PXN: variants seen among roughly 807,000 people sequenced by gnomAD.
PXN encodes the protein testicular tissue protein Li 134.
A neutral mutation model predicts 103.6 loss-of-function variants in PXN; 61 were observed. The observed-to-expected ratio is 0.59, with a 90% CI of 0.48 to 0.73. The LOEUF (loss-of-function observed/expected upper bound fraction) is 0.73, where lower values mean the gene tolerates loss of function less well. PXN is among the 30% of genes least tolerant of loss of function. The pLI is 0.00. For missense variants in PXN, 1,274 were observed against 1,460.3 expected, an observed-to-expected ratio of 0.87 and a Z score of 2.08; for synonymous variants, 562 against 607.8, an observed-to-expected ratio of 0.92 and a Z score of 1.11.
intron 1 of PXN, among the ~76,000 whole-genome samples, chr12:120,241,252 G>A (rs1033177181): frequency 7.9e-5 from 12 of 152,212 alleles, no homozygotes; most frequent in African/African-American, 2.9e-4. Flanking sequence ...ACTAGGGGCT[G>A]AAGCTGAAGC....
chr12:120,251,830 C>T (rs965177198), intron 1 of PXN, among the ~76,000 whole-genome samples: 3 of 149,708 alleles, frequency 2.0e-5, no homozygotes, highest in Admixed American at 6.6e-5. Context: ...AATAAATAAA[C>T]AAACAAACAA....
rs755369736 is a variant in PXN at position 120,224,168 on chromosome 12, G to A, written c.223C>T (p.Arg75Ter). The change falls in exon 2 of 15, where the codon CGA (arginine) becomes TGA (stop). Residue 75 changes from arginine (R) to a stop codon, truncating the protein, a stop_gained. Transcript: ENST00000637617. LOFTEE classifies it high-confidence loss of function. This position sits in a 1 kb window ranked among gnomAD's most constrained non-coding sequence, Gnocchi z 5.0. ...PLDQWQPSSSRFIHQQPQSSS... is the reference protein window; with the variant it reads ...PLDQWQPSSS ...CGCCTCACCTGCTGGTGGATGAATC[G>A]GGAGCTGCTGGGCTGCCACTGGTCT... 9.4e-6 allele frequency: 15 copies of A among 1,588,592 alleles called. No individual in the cohort carries two copies. The highest frequency in any genetic ancestry group is 2.7e-5 in the African/African-American group (2 of 74,558).
Position 120,225,919 on chromosome 12 carries a change from T to C in PXN, c.14-1542A>G. ...GCTGGCCACACCTACCCCATGCTCC[T>C]GCCCAGATGGACAGAGGGGATGTCT... On this transcript the variant is annotated intron_variant, in intron 1 of 14. Transcript: ENST00000637617. This position sits in a 1 kb window ranked among gnomAD's most constrained non-coding sequence, Gnocchi z 4.4. 1 of 345,580 alleles carries C rather than the reference T, an allele frequency of 2.9e-6. No homozygotes were observed. Among genetic ancestry groups the C allele is most frequent in the Non-Finnish European group, 4.4e-6 (1 of 229,424 alleles). The allele number at this position is 345,580 out of a possible 1,614,324, so 21.4% of individuals were successfully genotyped here. A position where few individuals can be genotyped will look rare whatever the true frequency, so the allele number is the denominator to read the frequency against.
intron 1 of PXN, among the ~76,000 whole-genome samples, chr12:120,240,233 T>C (rs1335952680): frequency 1.3e-5 from 2 of 152,126 alleles, no homozygotes; most frequent in African/African-American, 2.4e-5. Flanking sequence ...CACACAGCCA[T>C]GCATATCATT....
intron 1 of PXN, among the ~76,000 whole-genome samples, chr12:120,237,225 C>T (rs905648739): frequency 6.6e-6 from 1 of 151,698 alleles, no homozygotes; most frequent in Non-Finnish European, 1.5e-5. Context: ...GTGGCATGAT[C>T]ACGGTTCACT....
At position 120,265,609 on chromosome 12, in the gene PXN, T is replaced by C; in HGVS notation, c.13+8A>G. The C allele has an allele frequency of 6.7e-7, 1 of 1,486,240 alleles. No homozygotes were observed. Among genetic ancestry groups the C allele is most frequent in the Non-Finnish European group, 8.9e-7 (1 of 1,123,974 alleles). The allele number at this position is 1,486,240 out of a possible 1,614,324, so 92.1% of individuals were successfully genotyped here. On this transcript the variant is annotated splice_region_variant and intron_variant, in intron 1 of 14. Coordinates refer to ENST00000637617, the MANE Select transcript of PXN (RefSeq NM_001385981.1). The surrounding 1 kb of genome is among the most constrained non-coding windows in gnomAD (Gnocchi z 5.7). ...GCCTCCTCCTCCCTCGGCCTCCCGC[T>C]CACTCACCGAGGTCGTCCATGGCCG...
rs761372067 is a variant in PXN at position 120,217,145 on chromosome 12, C to T, written c.1717-29G>A. 3 of 1,523,678 alleles carry T rather than the reference C, an allele frequency of 2.0e-6. No homozygotes were observed. Among genetic ancestry groups the T allele is most frequent in the Admixed American group, 3.7e-5 (2 of 54,088 alleles). The allele number at this position is 1,523,678 out of a possible 1,614,324, so 94.4% of individuals were successfully genotyped here. ...GGGGGAGGGGGAGGGGAGGCTGTCA[C>T]CGTCCCACTCCCAGCTTGCACAACG... On this transcript the variant is annotated intron_variant, in intron 7 of 14. Coordinates refer to ENST00000637617, the MANE Select transcript of PXN (RefSeq NM_001385981.1). This position sits in a 1 kb window ranked among gnomAD's most constrained non-coding sequence, Gnocchi z 4.1.
In PXN at chr12:120,260,807, A is replaced by C. The variant is rs546396170; in HGVS notation, c.13+4810T>G. Among the ~76,000 whole-genome samples, 3 of 152,266 alleles carry C rather than the reference A, an allele frequency of 2.0e-5. No individual in the cohort carries two copies. In the East Asian group the frequency reaches 5.8e-4, roughly 29 times the overall value. On this transcript the variant is annotated intron_variant, in intron 1 of 14. Transcript: ENST00000637617. ...ATGGTGAAACCCTGTCTCCACAAAA[A>C]ATTTCAAAAATTAGCGGGGCGTTAC...
In PXN at chr12:120,219,978, G is replaced by A; in HGVS notation, c.945C>T (p.Pro315=). 6.3e-7 allele frequency: 1 copy of A among 1,591,868 alleles called. No individual in the cohort carries two copies. The highest frequency in any genetic ancestry group is 8.5e-7 in the Non-Finnish European group (1 of 1,174,166). The change falls in exon 7 of 15, where the codon CCC becomes CCT. Residue 315 remains proline, a synonymous_variant. Transcript: ENST00000637617. This position sits in a 1 kb window ranked among gnomAD's most constrained non-coding sequence, Gnocchi z 6.5. ...PPPMPSVFLP[P]TTIPSPRGQG... The stretch of plus-strand genomic sequence containing the variant: ...GGCCTCGAGGGGAGGGTATAGTGGT[G>A]GGTGGCAGAAATACAGATGGCATGG...
rs1421248657 is a variant in PXN, at chr12:120,217,285, G to T, written c.1717-169C>A. The stretch of plus-strand genomic sequence containing the variant: ...GGGGGCAGATTGGACCGGTGGAGGT[G>T]GGTAGAGGCAAGGGGAGGGGGCAGA... On this transcript the variant is annotated intron_variant, in intron 7 of 14. Transcript: ENST00000637617. The surrounding 1 kb of genome is among the most constrained non-coding windows in gnomAD (Gnocchi z 4.1). 1.3e-5 allele frequency among the ~76,000 whole-genome samples: 2 copies of T among 152,074 alleles called. No individual in the cohort carries two copies. Among genetic ancestry groups the T allele is most frequent in the East Asian group, 3.9e-4 (2 of 5,152 alleles).
At chr12:120,263,255 C>A (rs1272793032) in intron 1 of PXN, among the ~76,000 whole-genome samples, 1 of 152,226 alleles carries the variant, frequency 6.6e-6, no homozygotes, top group Non-Finnish European at 1.5e-5. Flanking sequence ...GACGGGGCCC[C>A]AGTGCAAAGG....
chr12:120,215,944 G>C lies in PXN; in HGVS notation c.2302-283C>G, dbSNP rs1267395723. 3 of 1,386,974 alleles carry C rather than the reference G, an allele frequency of 2.2e-6. No individual in the cohort carries two copies. In the African/African-American group the frequency reaches 4.4e-5, roughly 20 times the overall value. 85.9% of individuals were successfully genotyped at this position (1,386,974 alleles called of 1,614,324 possible). A position where few individuals can be genotyped will look rare whatever the true frequency, so the allele number is the denominator to read the frequency against. ...TGAGGCCTCACCGGGCGCTGGGCCT[G>C]GGGGCTGGAAGGGAGGAGACAGGTT... On this transcript the variant is annotated intron_variant, in intron 9 of 14. Transcript: ENST00000637617. This position sits in a 1 kb window ranked among gnomAD's most constrained non-coding sequence, Gnocchi z 4.9.
In PXN at chr12:120,222,536, A is replaced by C; in HGVS notation, c.695+13T>G. The C allele has an allele frequency of 6.3e-7, 1 of 1,583,644 alleles. No homozygotes were observed. The highest frequency in any genetic ancestry group is 8.6e-7 in the Non-Finnish European group (1 of 1,165,582). The stretch of plus-strand genomic sequence containing the variant: ...GCCCTTCCCCACCTGGGGAGGGCCC[A>C]GTGGGTACTCACACGGGGCTGGGCA... On this transcript the variant is annotated intron_variant, in intron 5 of 14. Transcript: ENST00000637617. This position sits in a 1 kb window ranked among gnomAD's most constrained non-coding sequence, Gnocchi z 4.7.
intron 1 of PXN, among the ~76,000 whole-genome samples, chr12:120,246,611 T>C (rs555149346): frequency 6.6e-6 from 1 of 151,458 alleles, no homozygotes; most frequent in East Asian, 1.9e-4. Context: ...TCCCAGCCCT[T>C]TGGGAGGCTG....
chr12:120,246,580 C>T (rs1022364223), intron 1 of PXN, among the ~76,000 whole-genome samples: 37 of 149,990 alleles, frequency 2.5e-4, no homozygotes, highest in Non-Finnish European at 4.4e-4. Flanking sequence ...CCAGGCCAGG[C>T]GCGGTGGCTC....
At chr12:120,262,789 T>G (rs752385158) in intron 1 of PXN, among the ~76,000 whole-genome samples, 2 of 152,240 alleles carry the variant, frequency 1.3e-5, no homozygotes, top group Non-Finnish European at 1.5e-5. Flanking sequence ...CGGCCAGAAC[T>G]TGAACAGAGC....
chr12:120,235,886 C>T (rs1027198108), intron 1 of PXN, among the ~76,000 whole-genome samples: 1 of 152,160 alleles, frequency 6.6e-6, no homozygotes, highest in Non-Finnish European at 1.5e-5. Context: ...GGGCCTGCCC[C>T]GGGAACCAAC....
At chr12:120,241,041 G>C (rs1190424935) in intron 1 of PXN, among the ~76,000 whole-genome samples, 1 of 152,166 alleles carries the variant, frequency 6.6e-6, no homozygotes, top group Non-Finnish European at 1.5e-5. Flanking sequence ...CTGGCATCTG[G>C]AGCTGACCCT....
At position 120,265,316 on chromosome 12, in the gene PXN, G is replaced by T. The variant is rs1894525623; in HGVS notation, c.13+301C>A. The stretch of plus-strand genomic sequence containing the variant: ...AGCGGACGGGGTGGGTCCCTGAGGG[G>T]CGGGCTGGTCCCTGGGGCCCTTCTG... On this transcript the variant is annotated intron_variant, in intron 1 of 14. Coordinates refer to ENST00000637617, the MANE Select transcript of PXN (RefSeq NM_001385981.1). The surrounding 1 kb of genome is among the most constrained non-coding windows in gnomAD (Gnocchi z 5.7). 6.6e-6 allele frequency among the ~76,000 whole-genome samples: 1 copy of T among 152,082 alleles called. No individual in the cohort carries two copies. Among genetic ancestry groups the T allele is most frequent in the Non-Finnish European group, 1.5e-5 (1 of 68,002 alleles).
Sources: allele counts gnomAD v4.1 joint callset (sites outside exome capture counted in the v4.1 genomes callset), GRCh38; gene constraint gnomAD v4.1.1; non-coding constraint Gnocchi (gnomAD v3.1); transcripts MANE v1.5; gene names NCBI Gene and HGNC (gene_info 2026-07-23, HGNC 2026-07-21).